Variants in RAB3IP observed in about 807,000 individuals in gnomAD.
RAB3IP encodes the protein rab-3A-interacting protein.
A neutral mutation model predicts 59.1 loss-of-function variants in RAB3IP; 36 were observed. The ratio of observed to expected loss-of-function variants is 0.61; its 90% CI spans 0.47 to 0.80. The LOEUF (loss-of-function observed/expected upper bound fraction) is 0.80. Among genes scored for constraint, RAB3IP ranks in the 30% least tolerant of loss-of-function variants. RAB3IP has a pLI of 0.00. For missense variants in RAB3IP, 511 were observed against 536.0 expected (o/e 0.95, Z 0.46); for synonymous variants, 207 against 191.2 (o/e 1.08, Z -0.68).
chr12:69,761,122 G>A (rs906314838), intron 3 of RAB3IP, among the ~76,000 whole-genome samples: 11 of 151,988 alleles, frequency 7.2e-5, no homozygotes, highest in South Asian at 4.2e-4. Flanking sequence ...TTTCATTGTG[G>A]GTAGTTTCTA....
intron 8 of RAB3IP, among the ~76,000 whole-genome samples, chr12:69,810,151 A>G (rs1405013796): frequency 1.3e-5 from 2 of 152,108 alleles, no homozygotes; most frequent in African/African-American, 2.4e-5. Context: ...GTTGGAGTTT[A>G]CTGGAGGTCC....
chr12:69,812,909 C>T (rs775697300), intron 9 of RAB3IP, 32 bp downstream of exon 9: 1 of 1,603,708 alleles, frequency 6.2e-7, no homozygotes, highest in Non-Finnish European at 8.5e-7. Context: ...TTTAATAAAG[C>T]TTGCTTTGAT....
intron 3 of RAB3IP, among the ~76,000 whole-genome samples, 155 bp downstream of exon 3, chr12:69,756,818 TC>T (rs1335276077): frequency 2.9e-4 from 44 of 152,322 alleles, no homozygotes; most frequent in African/African-American, 9.9e-4. Flanking sequence ...CATTTAGGAA[TC>T]CGTGAAACTG....
chr12:69,780,205 T>C (rs1031942614), intron 3 of RAB3IP, among the ~76,000 whole-genome samples: 1 of 152,202 alleles, frequency 6.6e-6, no homozygotes, highest in African/African-American at 2.4e-5. Flanking sequence ...GACAGATGCA[T>C]GTTTCCCCGC....
At position 69,784,886 on chromosome 12, in the gene RAB3IP, G is replaced by A. The variant is rs527989245; in HGVS notation, c.606+71G>A. 10 of 859,228 alleles carry A rather than the reference G, an allele frequency of 1.2e-5. No individual in the cohort carries two copies. The South Asian group carries it at 1.4e-4, about 12-fold the overall frequency. The allele number at this position is 859,228 out of a possible 1,614,324, so 53.2% of individuals were successfully genotyped here. ...TATATTGACAAAATTGTATTTTGAG[G>A]GAATCTTGAAAAATATTTGCTTAGC... is the stretch of plus-strand genomic sequence containing the variant. On this transcript the variant is annotated intron_variant, in intron 4 of 10. Transcript: ENST00000247833.
intron 8 of RAB3IP, among the ~76,000 whole-genome samples, chr12:69,803,291 G>GA (rs1240214934): frequency 2.6e-5 from 4 of 151,982 alleles, no homozygotes; most frequent in South Asian, 2.1e-4. Flanking sequence ...GCATATCGTG[G>GA]AAAAAACTAA....
intron 3 of RAB3IP, among the ~76,000 whole-genome samples, chr12:69,779,664 C>G (rs1219880284): frequency 6.8e-6 from 1 of 147,248 alleles, no homozygotes; most frequent in Non-Finnish European, 1.5e-5. Flanking sequence ...ACTGCTTTCA[C>G]TGCACATTCT....
chr12:69,820,028 C>G lies in RAB3IP; in HGVS notation c.*4582C>G, dbSNP rs530279162. On this transcript the variant is annotated 3_prime_UTR_variant, in exon 11 of 11. Transcript: ENST00000247833. ...TTACTCCCATCGCCACCACAAGAAT[C>G]CTGTGTGTTTTTGTTTTGTGCATCC... 1.3e-5 allele frequency: 2 copies of G among 152,216 alleles called. No homozygotes were observed. The highest frequency in any genetic ancestry group is 4.8e-5 in the African/African-American group (2 of 41,440). The allele number at this position is 152,216 out of a possible 1,614,324, so 9.4% of individuals were successfully genotyped here. A position where few individuals can be genotyped will look rare whatever the true frequency, so the allele number is the denominator to read the frequency against.
At chr12:69,811,933 TA>T (rs1880517921) in intron 8 of RAB3IP, 1 of 152,242 alleles carries the variant, frequency 6.6e-6, no homozygotes, top group African/African-American at 2.4e-5. Context: ...AGAGCTATGC[TA>T]ATTTTGCATT....
chr12:69,748,231 G>A (rs1050164579), intron 1 of RAB3IP, among the ~76,000 whole-genome samples: 1 of 151,840 alleles, frequency 6.6e-6, no homozygotes, highest in African/African-American at 2.4e-5. Context: ...ATATGTATAT[G>A]CATTTTATTC....
At chr12:69,800,822 A>G (rs1878256040) in intron 7 of RAB3IP, among the ~76,000 whole-genome samples, 1 of 152,234 alleles carries the variant, frequency 6.6e-6, no homozygotes, top group Admixed American at 6.5e-5. Context: ...AAAATAAGGC[A>G]GTATAAAAAT....
In RAB3IP at chr12:69,754,370, CTG is replaced by C. The variant is rs1405312476; in HGVS notation, c.-25-1010_-25-1009del. The stretch of plus-strand genomic sequence containing the variant: ...ACACACACACACACACACACACACA[CTG>C]TGTATATGTATACATTGAGATATTA... On this transcript the variant is annotated intron_variant, in intron 1 of 10. Coordinates refer to ENST00000247833, the MANE Select transcript of RAB3IP (RefSeq NM_022456.5). 2.8e-3 allele frequency among the ~76,000 whole-genome samples: 422 copies of C among 151,568 alleles called. 2 individuals are homozygous for C. The highest frequency in any genetic ancestry group is 0.021 in the South Asian group (99 of 4,764).
chr12:69,763,039 G>A (rs1284476808), intron 3 of RAB3IP, among the ~76,000 whole-genome samples: 2 of 152,130 alleles, frequency 1.3e-5, no homozygotes, highest in Non-Finnish European at 2.9e-5. Flanking sequence ...ATGATAACCA[G>A]CCATTTAGTT....
intron 3 of RAB3IP, among the ~76,000 whole-genome samples, chr12:69,782,598 T>G (rs1460879510): frequency 2.0e-5 from 3 of 152,226 alleles, no homozygotes. Context: ...TTTAATTGGG[T>G]CGTTCTTTTC....
At chr12:69,801,541 T>A in intron 7 of RAB3IP, 68 bp from the exon 8 acceptor site, 1 of 891,622 alleles carries the variant, frequency 1.1e-6, no homozygotes, top group Non-Finnish European at 1.7e-6. Context: ...AAAATTCGTT[T>A]ACTGTAGAAT....
At chr12:69,796,892 A>G (rs1349910990) in intron 6 of RAB3IP, among the ~76,000 whole-genome samples, 2 of 152,354 alleles carry the variant, frequency 1.3e-5, no homozygotes, top group East Asian at 1.9e-4. Context: ...CTCATGGAAC[A>G]TGGTAAAGAT....
Position 69,788,932 on chromosome 12 carries a change from A to G in RAB3IP, c.606+4117A>G, listed in dbSNP as rs539300471. ...TCAAATGTGTGGAAACTAAACAATG[A>G]TATCCTTTTGAACAACCTTTGAGTC... On this transcript the variant is annotated intron_variant, in intron 4 of 10. Coordinates refer to ENST00000247833, the MANE Select transcript of RAB3IP (RefSeq NM_022456.5). 2.6e-5 allele frequency among the ~76,000 whole-genome samples: 4 copies of G among 152,254 alleles called. No individual in the cohort carries two copies. The South Asian group carries it at 8.3e-4, about 31-fold the overall frequency.
chr12:69,760,262 A>C (rs916310583), intron 3 of RAB3IP, among the ~76,000 whole-genome samples: 3 of 152,240 alleles, frequency 2.0e-5, no homozygotes, highest in South Asian at 2.1e-4. Context: ...CGCCTGCAAT[A>C]GCAGGCACTC....
rs1406384144 is a variant in RAB3IP at position 69,808,870 on chromosome 12, C to T, written c.1131-3908C>T. On this transcript the variant is annotated intron_variant, in intron 8 of 10. Coordinates refer to ENST00000247833, the MANE Select transcript of RAB3IP (RefSeq NM_022456.5). ...CTTTATCCAATTTGCCAGTCTGTGT[C>T]TTTTAATTGGAGCATTTAGCCCATT... is the stretch of plus-strand genomic sequence containing the variant. Among the ~76,000 whole-genome samples, 3 of 152,032 alleles carry T rather than the reference C, an allele frequency of 2.0e-5. No individual in the cohort carries two copies. In the East Asian group the frequency reaches 5.8e-4, roughly 29 times the overall value.
Sources: gnomAD v4.1 joint callset for allele counts (sites outside exome capture counted in the v4.1 genomes callset) on GRCh38, gnomAD v4.1.1 for gene constraint, MANE v1.5 for transcripts, NCBI Gene and HGNC (gene_info 2026-07-23, HGNC 2026-07-21) for gene names.